Variants in MYH16 observed in about 807,000 individuals in gnomAD.
MYH16 encodes myosin heavy chain 16, also known as putative uncharacterized protein MYH16.
chr7:99,267,761 G>T (rs1244751839), intron 18 of MYH16, among the ~76,000 whole-genome samples: 2 of 152,148 alleles, frequency 1.3e-5, no homozygotes, highest in African/African-American at 2.4e-5. Context: ...ATCCTGGTGG[G>T]GTTGTAAAGG....
exon 35 of MYH16, chr7:99,297,691 T>C (rs1195597585): frequency 2.2e-6 from 1 of 456,158 alleles, no homozygotes; most frequent in Non-Finnish European, 4.4e-6. Context: ...ATCAGCTGGG[T>C]GAGGGAGGAA....
intron 12 of MYH16, chr7:99,261,399 C>T (rs561593512): frequency 6.5e-6 from 1 of 153,256 alleles, no homozygotes; most frequent in African/African-American, 2.4e-5. Context: ...ACCAGTTTGT[C>T]CTCTTTTGGG....
rs1035741397 is a variant in MYH16, at chr7:99,268,556, G to A, written n.2266+1582G>A. Among the ~76,000 whole-genome samples the A allele has an allele frequency of 9.2e-5, 14 of 152,346 alleles. No homozygotes were observed. In the South Asian group the frequency reaches 1.0e-3, roughly 11 times the overall value. Reference sequence around the variant, plus strand: ...GTTGTACAAGGGTTGCATTAGGCACGTCAGTTCCAGGGGAAGGCCCAGGGC... The same window carrying A: ...GTTGTACAAGGGTTGCATTAGGCACATCAGTTCCAGGGGAAGGCCCAGGGC... On this transcript the variant is annotated intron_variant and non_coding_transcript_variant, in intron 18 of 41. Coordinates refer to ENST00000439784, the Ensembl canonical transcript of MYH16.
Position 99,279,756 on chromosome 7 carries a change from C to T in MYH16, n.2887+19C>T, listed in dbSNP as rs919808818. ...GAAGCAGGTGAGGAGAGGCCGGGGC[C>T]CTGCCACGCTTTTCTCAGGCCACCT... On this transcript the variant is annotated intron_variant and non_coding_transcript_variant, in intron 22 of 41. Coordinates refer to ENST00000439784, the Ensembl canonical transcript of MYH16. 14 of 450,832 alleles carry T rather than the reference C, an allele frequency of 3.1e-5. No homozygotes were observed. The highest frequency in any genetic ancestry group is 5.8e-5 in the Non-Finnish European group (13 of 224,952). 27.9% of individuals were successfully genotyped at this position (450,832 alleles called of 1,614,324 possible).
intron 31 of MYH16, among the ~76,000 whole-genome samples, chr7:99,292,007 A>T (rs770034140): frequency 3.3e-5 from 5 of 152,266 alleles, no homozygotes; most frequent in Non-Finnish European, 7.3e-5. Flanking sequence ...AGAAAGTTAC[A>T]GATTATGAAG....
At chr7:99,249,052 A>G (rs891045949) in intron 4 of MYH16, 3 of 152,650 alleles carry the variant, frequency 2.0e-5, no homozygotes, top group Non-Finnish European at 4.4e-5. Flanking sequence ...CTATACACAT[A>G]TAATTAGACC....
intron 2 of MYH16, among the ~76,000 whole-genome samples, chr7:99,244,574 T>C (rs1015102838): frequency 2.0e-5 from 3 of 152,216 alleles, no homozygotes; most frequent in Non-Finnish European, 4.4e-5. Flanking sequence ...TCTATGGTTA[T>C]AGTCAAGAGG....
rs11983985 is a variant in MYH16, at chr7:99,283,545, G to T, written n.2993-20G>T. On this transcript the variant is annotated intron_variant and non_coding_transcript_variant, in intron 23 of 41. Coordinates refer to ENST00000439784, the Ensembl canonical transcript of MYH16. ...TCCCACTGGGCCTCGTGGCACTCAC[G>T]TGTGTATCTGTCCTTCCAGAAAACC... The T allele has an allele frequency of 2.2e-6, 1 of 455,442 alleles. No individual in the cohort carries two copies. The allele number at this position is 455,442 out of a possible 1,614,324, so 28.2% of individuals were successfully genotyped here. A position where few individuals can be genotyped will look rare whatever the true frequency, so the allele number is the denominator to read the frequency against.
intron 3 of MYH16, among the ~76,000 whole-genome samples, chr7:99,248,425 G>A (rs1336427800): frequency 6.6e-6 from 1 of 151,792 alleles, no homozygotes; most frequent in Non-Finnish European, 1.5e-5. Context: ...TAAGAGATGG[G>A]TTCTTTGTTG....
chr7:99,266,583 A>G (rs1039351460), intron 17 of MYH16, among the ~76,000 whole-genome samples: 5 of 152,116 alleles, frequency 3.3e-5, no homozygotes, highest in Non-Finnish European at 5.9e-5. Flanking sequence ...CTCAACTCCA[A>G]GCTCTATCAG....
intron 19 of MYH16, among the ~76,000 whole-genome samples, 70 bp from the exon 1 acceptor site, chr7:99,272,769 T>G (rs1276832450): frequency 6.6e-6 from 1 of 151,536 alleles, no homozygotes; most frequent in Non-Finnish European, 1.5e-5. Flanking sequence ...GGTAGGTCCA[T>G]CCCAGATGAC....
chr7:99,287,874 G>C lies in MYH16; in HGVS notation n.3461-18G>C, dbSNP rs1453936641. ...TGGCACTGGCCAGTTCTGCTAAGCT[G>C]CTCCTCCTCTACCCCAGATCGAGCA... On this transcript the variant is annotated intron_variant and non_coding_transcript_variant, in intron 28 of 41. Transcript: ENST00000439784. 2.2e-6 allele frequency: 1 copy of C among 452,284 alleles called. No individual in the cohort carries two copies. Among genetic ancestry groups the C allele is most frequent in the African/African-American group, 2.0e-5 (1 of 49,934 alleles). 28.0% of individuals were successfully genotyped at this position (452,284 alleles called of 1,614,324 possible).
intron 30 of MYH16, among the ~76,000 whole-genome samples, chr7:99,290,478 C>A (rs1386381090): frequency 7.4e-6 from 1 of 134,804 alleles, no homozygotes; most frequent in Non-Finnish European, 1.5e-5. Context: ...CAGAGCAGGA[C>A]CCTGTCTCAA....
intron 23 of MYH16, among the ~76,000 whole-genome samples, chr7:99,282,026 T>C (rs1792205443): frequency 6.6e-6 from 1 of 152,198 alleles, no homozygotes; most frequent in South Asian, 2.1e-4. Context: ...ACACTGGTTA[T>C]ATTTTTGTTG....
At chr7:99,306,823 C>A (rs548331314), downstream of MYH16, 7 of 152,800 alleles carry the variant, frequency 4.6e-5, no homozygotes, top group African/African-American at 1.4e-4. Context: ...CCTCCGTGTC[C>A]TAGGCCACAA....
intron 19 of MYH16, among the ~76,000 whole-genome samples, 61 bp from the exon 1 acceptor site, chr7:99,272,778 A>C (rs1334887344): frequency 6.6e-6 from 1 of 151,454 alleles, no homozygotes; most frequent in Non-Finnish European, 1.5e-5. Context: ...ATCCCAGATG[A>C]CCTGTGATTC....
intron 2 of MYH16, among the ~76,000 whole-genome samples, chr7:99,245,582 C>T (rs1791717947): frequency 6.6e-6 from 1 of 152,156 alleles, no homozygotes; most frequent in South Asian, 2.1e-4. Flanking sequence ...GGCTGGAGTG[C>T]AGTGGCACAG....
chr7:99,242,226 G>A (rs973891351), intron 1 of MYH16, among the ~76,000 whole-genome samples: 7 of 152,154 alleles, frequency 4.6e-5, no homozygotes, highest in African/African-American at 1.2e-4. Flanking sequence ...CACATGGCAC[G>A]GGCGCGAACA....
chr7:99,269,837 G>A (rs1381660756), intron 18 of MYH16, among the ~76,000 whole-genome samples: 1 of 149,216 alleles, frequency 6.7e-6, no homozygotes, highest in Admixed American at 6.7e-5. Context: ...TCTCAACCTT[G>A]GCTATACATT....
Sources: gnomAD v4.1 joint callset for allele counts (sites outside exome capture counted in the v4.1 genomes callset) on GRCh38, gnomAD v4.1.1 for gene constraint, MANE v1.5 for transcripts, NCBI Gene and HGNC (gene_info 2026-07-23, HGNC 2026-07-21) for gene names.